Variants in PAPPA2 observed in about 807,000 individuals in gnomAD.
The protein encoded by PAPPA2 is pappalysin 2.
PAPPA2 carries 86 observed loss-of-function variants against 176.4 expected under a neutral mutation model. The observed-to-expected ratio is 0.49, with a 90% CI of 0.41 to 0.58. PAPPA2 has a LOEUF of 0.58. Among genes scored for constraint, PAPPA2 ranks in the 20% least tolerant of loss-of-function variants. The pLI, the probability that PAPPA2 is intolerant of heterozygous loss-of-function variation, is 0.00. For missense variants in PAPPA2, 2,073 were observed against 2,256.9 expected (o/e 0.92, Z 1.65); for synonymous variants, 809 against 852.2 (o/e 0.95, Z 0.88).
chr1:176,562,492 C>A (rs151168528), intron 2 of PAPPA2, among the ~76,000 whole-genome samples: 1 of 152,192 alleles, frequency 6.6e-6, no homozygotes, highest in Non-Finnish European at 1.5e-5. Flanking sequence ...TTGCATGGCC[C>A]TCTCCTCAGT....
chr1:176,496,198 C>T (rs1647610563), intron 1 of PAPPA2, among the ~76,000 whole-genome samples: 1 of 152,114 alleles, frequency 6.6e-6, no homozygotes, highest in Non-Finnish European at 1.5e-5. Flanking sequence ...CCCATTAACT[C>T]ATTATTTAGC....
chr1:176,495,108 T>C (rs1311771346), intron 1 of PAPPA2, among the ~76,000 whole-genome samples: 1 of 152,178 alleles, frequency 6.6e-6, no homozygotes, highest in African/African-American at 2.4e-5. Context: ...ATTGGATGAA[T>C]GGATTTTTGT....
chr1:176,643,425 T>A (rs1573183175), intron 3 of PAPPA2, among the ~76,000 whole-genome samples: 1 of 151,930 alleles, frequency 6.6e-6, no homozygotes, highest in Middle Eastern at 3.4e-3. Flanking sequence ...TTCTGTTTTT[T>A]TTTTTTTAAA....
chr1:176,648,196 T>C (rs138101028), intron 3 of PAPPA2, among the ~76,000 whole-genome samples: 1 of 151,708 alleles, frequency 6.6e-6, no homozygotes, highest in Admixed American at 6.6e-5. Flanking sequence ...TCTTAGTAAC[T>C]ACAGTAAATA....
chr1:176,480,103 C>T (rs1410365801), intron 1 of PAPPA2, among the ~76,000 whole-genome samples: 6 of 152,160 alleles, frequency 3.9e-5, no homozygotes, highest in Non-Finnish European at 7.4e-5. Context: ...TGGAGAGAAG[C>T]CGGCTGGTGG....
rs184919084 is a variant in PAPPA2, at chr1:176,560,056, T to C, written c.919+2815T>C. 5.3e-5 allele frequency among the ~76,000 whole-genome samples: 8 copies of C among 152,266 alleles called. 1 individual carries two copies. In the East Asian group the frequency reaches 1.6e-3, roughly 30 times the overall value. The stretch of plus-strand genomic sequence containing the variant: ...GTAGGCAGCCACGTAGTGGGGAATG[T>C]CTCTGATTTCTTGGAGGACTGTCCT... On this transcript the variant is annotated intron_variant, in intron 2 of 22. Coordinates refer to ENST00000367662, the MANE Select transcript of PAPPA2 (RefSeq NM_020318.3).
intron 1 of PAPPA2, among the ~76,000 whole-genome samples, chr1:176,497,230 A>T (rs968546241): frequency 6.6e-6 from 1 of 152,152 alleles, no homozygotes; most frequent in Non-Finnish European, 1.5e-5. Context: ...GTTCTCATTT[A>T]AAAAATTTCA....
intron 4 of PAPPA2, among the ~76,000 whole-genome samples, chr1:176,684,541 C>T (rs911383054): frequency 2.6e-5 from 4 of 152,130 alleles, no homozygotes; most frequent in African/African-American, 9.7e-5. Context: ...GGAATCTCGT[C>T]CCTACCCCCC....
At chr1:176,717,359 A>C (rs1315979759) in intron 12 of PAPPA2, among the ~76,000 whole-genome samples, 1 of 152,216 alleles carries the variant, frequency 6.6e-6, no homozygotes. Flanking sequence ...CCATGGCAGC[A>C]TGCTATGGCA....
chr1:176,550,917 A>G (rs572046034), intron 1 of PAPPA2, among the ~76,000 whole-genome samples: 2 of 152,296 alleles, frequency 1.3e-5, no homozygotes, highest in Admixed American at 6.5e-5. Context: ...CTGGGAGGCC[A>G]GTGTTCGATA....
rs532939455 is a variant in PAPPA2, at chr1:176,792,712, A to T, written c.5021-848A>T. Among the ~76,000 whole-genome samples the T allele has an allele frequency of 5.1e-4, 77 of 151,076 alleles. No homozygotes were observed. In the South Asian group the frequency reaches 0.013, roughly 26 times the overall value. On this transcript the variant is annotated intron_variant, in intron 19 of 22. Coordinates refer to ENST00000367662, the MANE Select transcript of PAPPA2 (RefSeq NM_020318.3). The stretch of plus-strand genomic sequence containing the variant: ...TGTACCCTAAAACTTAAAGTATAAT[A>T]AAAAAAAAGTTAAAAATAAATAAAT...
At chr1:176,613,550 G>T (rs774169725) in intron 3 of PAPPA2, among the ~76,000 whole-genome samples, 3 of 152,160 alleles carry the variant, frequency 2.0e-5, no homozygotes, top group Non-Finnish European at 4.4e-5. Context: ...CTCAGTTTCT[G>T]CATTTCATTC....
chr1:176,542,146 G>C (rs988171898), intron 1 of PAPPA2, among the ~76,000 whole-genome samples: 1 of 152,014 alleles, frequency 6.6e-6, no homozygotes, highest in Non-Finnish European at 1.5e-5. Flanking sequence ...TATAGATAGA[G>C]CATTCACTTT....
At chr1:176,621,246 C>G (rs748946960) in intron 3 of PAPPA2, among the ~76,000 whole-genome samples, 1 of 152,128 alleles carries the variant, frequency 6.6e-6, no homozygotes, top group Non-Finnish European at 1.5e-5. Flanking sequence ...CTGAGATGTT[C>G]GCAGACTAAG....
intron 12 of PAPPA2, among the ~76,000 whole-genome samples, chr1:176,731,677 G>GTA (rs1461115210): frequency 6.6e-6 from 1 of 150,656 alleles, no homozygotes; most frequent in Non-Finnish European, 1.5e-5. Context: ...ACATATATGT[G>GTA]TATATATACA....
At chr1:176,468,314 G>A (rs1444429012) in intron 1 of PAPPA2, among the ~76,000 whole-genome samples, 1 of 152,138 alleles carries the variant, frequency 6.6e-6, no homozygotes, top group Non-Finnish European at 1.5e-5. Flanking sequence ...TGTGGGAAGA[G>A]CATTTGGGTG....
chr1:176,548,630 T>A (rs1467948417), intron 1 of PAPPA2, among the ~76,000 whole-genome samples: 1 of 152,120 alleles, frequency 6.6e-6, no homozygotes, highest in Admixed American at 6.6e-5. Flanking sequence ...AAACGCGCAG[T>A]TCTTTTCCAG....
chr1:176,679,962 A>G (rs1558514756), intron 4 of PAPPA2, among the ~76,000 whole-genome samples: 1 of 152,120 alleles, frequency 6.6e-6, no homozygotes, highest in South Asian at 2.1e-4. Context: ...ATTTGTGTGG[A>G]TTTTCTCACT....
intron 4 of PAPPA2, among the ~76,000 whole-genome samples, chr1:176,678,630 A>ATT (rs879898675): frequency 3.4e-5 from 5 of 145,478 alleles, no homozygotes; most frequent in African/African-American, 1.3e-4. Context: ...CATTTCAAAT[A>ATT]TTTTTTTTTT....
Sources: allele counts gnomAD v4.1 joint callset (sites outside exome capture counted in the v4.1 genomes callset), GRCh38; gene constraint gnomAD v4.1.1; transcripts MANE v1.5; gene names NCBI Gene and HGNC (gene_info 2026-07-23, HGNC 2026-07-21).